Variants in SLC22A4 observed in about 807,000 individuals in gnomAD.
The protein encoded by SLC22A4 is ET transporter.
SLC22A4 carries 39 observed loss-of-function variants against 56.6 expected under a neutral mutation model. The observed-to-expected ratio is 0.69, with a 90% CI of 0.53 to 0.90. The LOEUF is 0.90. Ranked by LOEUF, SLC22A4 falls within the 40% of genes least tolerant of loss-of-function variation. SLC22A4 has a pLI of 0.00. For missense variants in SLC22A4, 594 were observed against 696.5 expected (o/e 0.85, Z 1.66); for synonymous variants, 241 against 281.4 (o/e 0.86, Z 1.44).
chr5:132,342,578 G>T (rs1280171685), intron 9 of SLC22A4, among the ~76,000 whole-genome samples: 1 of 152,144 alleles, frequency 6.6e-6, no homozygotes, highest in East Asian at 1.9e-4. Flanking sequence ...TGCTTCACTT[G>T]CCACTCACAA....
chr5:132,332,678 A>G (rs571419711), intron 6 of SLC22A4, among the ~76,000 whole-genome samples: 1 of 152,014 alleles, frequency 6.6e-6, no homozygotes, highest in Non-Finnish European at 1.5e-5. Flanking sequence ...AGATTTAATA[A>G]TTTATCTGCC....
In SLC22A4 at chr5:132,314,142, G is replaced by A. The variant is rs563286360; in HGVS notation, c.652+374G>A. ...GTAGGCTTGAGACTTCTTCCTGGTT[G>A]CTTGTGAAGAGACTTAGGGTAGTCA... On this transcript the variant is annotated intron_variant, in intron 3 of 9. Transcript: ENST00000200652. 4.6e-5 allele frequency among the ~76,000 whole-genome samples: 7 copies of A among 152,314 alleles called. No homozygotes were observed. The East Asian group carries it at 1.4e-3, about 29-fold the overall frequency.
intron 1 of SLC22A4, among the ~76,000 whole-genome samples, chr5:132,303,527 G>A (rs1749954219): frequency 6.6e-6 from 1 of 151,310 alleles, no homozygotes; most frequent in Admixed American, 6.6e-5. Context: ...TCCAAGGAAG[G>A]GCTACAGCAG....
chr5:132,301,998 A>T (rs566656437), intron 1 of SLC22A4, among the ~76,000 whole-genome samples: 1 of 152,338 alleles, frequency 6.6e-6, no homozygotes, highest in African/African-American at 2.4e-5. Flanking sequence ...GCCCGGCGAG[A>T]CTTCTATTTC....
chr5:132,327,163 T>G (rs572528559), intron 4 of SLC22A4, 114 bp from the exon 5 acceptor site: 12 of 868,950 alleles, frequency 1.4e-5, no homozygotes, highest in African/African-American at 1.2e-4. Context: ...GGACTCCCTT[T>G]AAAAAGACAA....
At chr5:132,341,139 G>A (rs564964062) in intron 9 of SLC22A4, among the ~76,000 whole-genome samples, 1 of 150,098 alleles carries the variant, frequency 6.7e-6, no homozygotes, top group South Asian at 2.1e-4. Flanking sequence ...TAAATAATAG[G>A]CCAGGCGCGG....
In SLC22A4 at chr5:132,312,254, C is replaced by G. The variant is rs1387146289; in HGVS notation, c.487C>G (p.Leu163Val). 1 of 1,610,290 alleles carries G rather than the reference C, an allele frequency of 6.2e-7. No individual in the cohort carries two copies. Among genetic ancestry groups the G allele is most frequent in the Non-Finnish European group, 8.5e-7 (1 of 1,176,528 alleles). Residue 163 changes from leucine to valine, a missense_variant, in exon 2 of 10, where the codon CTG (leucine) becomes GTG (valine). Coordinates refer to ENST00000200652, the MANE Select transcript of SLC22A4 (RefSeq NM_003059.3). ...VLLGSFVSGQ[L>V]SDRFGRKNVL... ...CCTCGGCTCCTTCGTGTCCGGGCAG[C>G]TGTCAGACAGGTAAGCACATGGGAG...
At chr5:132,332,549 C>A (rs1750893529) in intron 6 of SLC22A4, among the ~76,000 whole-genome samples, 1 of 152,080 alleles carries the variant, frequency 6.6e-6, no homozygotes. Context: ...AACACTGAGG[C>A]TAGAATAACC....
At chr5:132,310,290 C>G (rs1750148386) in intron 1 of SLC22A4, among the ~76,000 whole-genome samples, 1 of 152,216 alleles carries the variant, frequency 6.6e-6, no homozygotes, top group African/African-American at 2.4e-5. Context: ...ATGGGTCACA[C>G]CACATCATGA....
chr5:132,296,185 C>G lies in SLC22A4; in HGVS notation c.393+1176C>G, dbSNP rs140982102. ...CCAAGAAGGGGTGATATGATTTTAG[C>G]TGATTCTGAAAATGTGAGCAAGACC... On this transcript the variant is annotated intron_variant, in intron 1 of 9. Coordinates refer to ENST00000200652, the MANE Select transcript of SLC22A4 (RefSeq NM_003059.3). 2.4e-3 allele frequency among the ~76,000 whole-genome samples: 364 copies of G among 152,300 alleles called. 3 individuals are homozygous for G. Among genetic ancestry groups the G allele is most frequent in the African/African-American group, 8.5e-3 (354 of 41,560 alleles).
At chr5:132,296,565 T>C (rs867958054) in intron 1 of SLC22A4, among the ~76,000 whole-genome samples, 10 of 152,250 alleles carry the variant, frequency 6.6e-5, no homozygotes, top group Non-Finnish European at 1.2e-4. Flanking sequence ...GCCCAGGGAC[T>C]GCCTTTGGAT....
chr5:132,323,452 C>A (rs573653892), intron 4 of SLC22A4, among the ~76,000 whole-genome samples: 54 of 152,292 alleles, frequency 3.5e-4, no homozygotes, highest in Non-Finnish European at 7.2e-4. Context: ...ATTCTCATGA[C>A]CTGTAAGAGT....
chr5:132,328,387 T>C (rs1750739539), intron 5 of SLC22A4, among the ~76,000 whole-genome samples: 1 of 152,146 alleles, frequency 6.6e-6, no homozygotes, highest in African/African-American at 2.4e-5. Context: ...ATGCCACTGC[T>C]CACCCCCACG....
intron 3 of SLC22A4, among the ~76,000 whole-genome samples, chr5:132,316,728 C>T (rs2126716255): frequency 6.6e-6 from 1 of 152,316 alleles, no homozygotes; most frequent in South Asian, 2.1e-4. Flanking sequence ...TCTTCCTTTA[C>T]AACTCTGGCT....
intron 3 of SLC22A4, among the ~76,000 whole-genome samples, chr5:132,315,314 T>C (rs1341564220): frequency 1.3e-5 from 2 of 152,008 alleles, no homozygotes; most frequent in Non-Finnish European, 2.9e-5. Context: ...TGAAGGACCA[T>C]CTGGAACAGA....
At chr5:132,342,907 G>A (rs1450184897) in intron 9 of SLC22A4, among the ~76,000 whole-genome samples, 3 of 152,220 alleles carry the variant, frequency 2.0e-5, no homozygotes, top group Non-Finnish European at 2.9e-5. Context: ...TGGAGGTTTA[G>A]TCATGTTGGC....
intron 4 of SLC22A4, chr5:132,324,680 T>C (rs1750640012): frequency 2.9e-5 from 13 of 442,046 alleles, no homozygotes; most frequent in South Asian, 2.2e-4. Flanking sequence ...AGTCTAGTGG[T>C]TGGGGTATGG....
chr5:132,319,890 C>G (rs538563048), intron 3 of SLC22A4, among the ~76,000 whole-genome samples: 2 of 152,154 alleles, frequency 1.3e-5, no homozygotes, highest in Admixed American at 1.3e-4. Context: ...CGTGCCTGGC[C>G]TGGAATATTA....
intron 2 of SLC22A4, among the ~76,000 whole-genome samples, chr5:132,313,226 G>A (rs463039): frequency 3.9e-5 from 6 of 152,310 alleles, no homozygotes; most frequent in African/African-American, 1.4e-4. Flanking sequence ...CTTGCAGAGT[G>A]ACTCTTAGTT....
Sources: gnomAD v4.1 joint callset for allele counts (sites outside exome capture counted in the v4.1 genomes callset) on GRCh38, gnomAD v4.1.1 for gene constraint, MANE v1.5 for transcripts, NCBI Gene and HGNC (gene_info 2026-07-23, HGNC 2026-07-21) for gene names.